The following LPP variants were observed in gnomAD, a reference collection of about 807,000 sequenced individuals.
LPP encodes the protein LIM domain containing preferred translocation partner in lipoma, also known as lipoma-preferred partner.
In LPP, 38 loss-of-function variants were observed where a neutral mutation model predicts 60.4. The observed-to-expected ratio is 0.63, with a 90% CI of 0.49 to 0.83. LPP has a LOEUF of 0.83. LPP is among the 40% of genes least tolerant of loss of function. The pLI is 0.00. For synonymous variants in LPP, 328 were observed against 290.8 expected (o/e 1.13, Z -1.30); for missense variants, 902 against 783.6 (o/e 1.15, Z -1.80).
chr3:188,730,413 A>T (rs1720012621), intron 8 of LPP, among the ~76,000 whole-genome samples: 1 of 152,184 alleles, frequency 6.6e-6, no homozygotes, highest in South Asian at 2.1e-4. Context: ...TGTACCACGT[A>T]TTTACAGTGT....
At chr3:188,805,144 A>C (rs1335148917) in intron 9 of LPP, among the ~76,000 whole-genome samples, 1 of 151,940 alleles carries the variant, frequency 6.6e-6, no homozygotes, top group Admixed American at 6.6e-5. Flanking sequence ...AGGTATACTA[A>C]ACTGTGGTTT....
chr3:188,582,163 T>C lies in LPP; in HGVS notation c.430-26998T>C, dbSNP rs1248639745. On this transcript the variant is annotated intron_variant, in intron 6 of 11. Coordinates refer to ENST00000617246, the MANE Select transcript of LPP (RefSeq NM_001375462.1). ...TTACCTTTTTCTTTTTCTTTTTTTTTTTTTTTTTTTTTTTTGAGACAGACT... is the reference window on the plus strand; with the variant it reads ...TTACCTTTTTCTTTTTCTTTTTTTTCTTTTTTTTTTTTTTTGAGACAGACT... Among the ~76,000 whole-genome samples the C allele has an allele frequency of 1.4e-3, 131 of 93,768 alleles. 1 individual carries two copies. Among genetic ancestry groups the C allele is most frequent in the East Asian group, 0.012 (22 of 1,766 alleles). 61.5% of individuals were successfully genotyped at this position (93,768 alleles called of 152,430 possible).
At chr3:188,318,948 C>T (rs113796964) in intron 2 of LPP, among the ~76,000 whole-genome samples, 7,297 of 150,792 alleles carry the variant, frequency 0.048, 460 homozygotes, top group East Asian at 0.27. Context: ...TTAGTAGAGA[C>T]GGGGTTTCAC....
chr3:188,437,584 A>G (rs1479942373), intron 4 of LPP, among the ~76,000 whole-genome samples: 1 of 152,188 alleles, frequency 6.6e-6, no homozygotes, highest in East Asian at 1.9e-4. Context: ...ATATATGTTT[A>G]TAGTTTTCAT....
intron 2 of LPP, among the ~76,000 whole-genome samples, chr3:188,335,158 T>G (rs1761302227): frequency 6.6e-6 from 1 of 152,224 alleles, no homozygotes; most frequent in South Asian, 2.1e-4. Context: ...AGTATGTTGA[T>G]GACTGTGGGT....
In LPP at chr3:188,884,159, A is replaced by C. The variant is rs1224068260; in HGVS notation, c.*9680A>C. ...ACACAGAAAATAGCGCAGGGAGGAC[A>C]GTTATTAGTACCCCTATTCTAGAAG... is the stretch of plus-strand genomic sequence containing the variant. On this transcript the variant is annotated 3_prime_UTR_variant, in exon 12 of 12. Coordinates refer to ENST00000617246, the MANE Select transcript of LPP (RefSeq NM_001375462.1). 1.8e-5 allele frequency: 4 copies of C among 226,440 alleles called. No homozygotes were observed. Among genetic ancestry groups the C allele is most frequent in the Admixed American group, 5.7e-5 (1 of 17,538 alleles). The allele number at this position is 226,440 out of a possible 1,614,324, so 14.0% of individuals were successfully genotyped here.
chr3:188,305,875 CTGT>C (rs1383659225), intron 2 of LPP, among the ~76,000 whole-genome samples: 1 of 151,982 alleles, frequency 6.6e-6, no homozygotes, highest in African/African-American at 2.4e-5. Flanking sequence ...TCTCGTTTAC[CTGT>C]TGTTGTCTTC....
chr3:188,500,960 A>G (rs755907918), intron 5 of LPP, among the ~76,000 whole-genome samples: 4 of 151,852 alleles, frequency 2.6e-5, no homozygotes, highest in Admixed American at 1.3e-4. Context: ...TCATCTAGCT[A>G]AAGGTTTGTC....
intron 4 of LPP, among the ~76,000 whole-genome samples, chr3:188,428,324 T>C (rs1208415955): frequency 1.3e-5 from 2 of 152,178 alleles, no homozygotes; most frequent in East Asian, 1.9e-4. Context: ...TGAGTTGATC[T>C]CTCTGGGAGC....
intron 7 of LPP, among the ~76,000 whole-genome samples, chr3:188,640,218 G>T (rs1197572133): frequency 6.6e-6 from 1 of 151,306 alleles, no homozygotes; most frequent in Non-Finnish European, 1.5e-5. Flanking sequence ...GTCCTTTGTA[G>T]GGACATGGAT....
chr3:188,267,799 C>T (rs1736104356), intron 2 of LPP, among the ~76,000 whole-genome samples: 1 of 152,140 alleles, frequency 6.6e-6, no homozygotes, highest in African/African-American at 2.4e-5. Context: ...AGCATGCTCA[C>T]TTTAGATGAT....
At chr3:188,501,837 A>T (rs1812002516) in intron 5 of LPP, among the ~76,000 whole-genome samples, 1 of 152,010 alleles carries the variant, frequency 6.6e-6, no homozygotes, top group Admixed American at 6.6e-5. Flanking sequence ...GAATCGCTTG[A>T]ACCCAGGAAG....
chr3:188,536,922 C>G (rs890137740), intron 6 of LPP, among the ~76,000 whole-genome samples: 5 of 152,146 alleles, frequency 3.3e-5, no homozygotes, highest in African/African-American at 9.7e-5. Context: ...TCTTACCATT[C>G]AGGAATCTTC....
At chr3:188,776,061 T>C (rs987843201) in intron 9 of LPP, among the ~76,000 whole-genome samples, 5 of 152,274 alleles carry the variant, frequency 3.3e-5, no homozygotes, top group Non-Finnish European at 5.9e-5. Context: ...CTATGCGGAA[T>C]ACAGCGCAGT....
rs554378397 is a variant in LPP, at chr3:188,540,546, C to T, written c.429+15759C>T. Among the ~76,000 whole-genome samples, 4 of 152,226 alleles carry T rather than the reference C, an allele frequency of 2.6e-5. No individual in the cohort carries two copies. In the South Asian group the frequency reaches 8.3e-4, roughly 32 times the overall value. Reference sequence around the variant, plus strand: ...ATTAAAATCATGGATTTTGGGAGCACACTCCCCTGACTCTAAATATGTGGC... The same window carrying T: ...ATTAAAATCATGGATTTTGGGAGCATACTCCCCTGACTCTAAATATGTGGC... On this transcript the variant is annotated intron_variant, in intron 6 of 11. Coordinates refer to ENST00000617246, the MANE Select transcript of LPP (RefSeq NM_001375462.1).
intron 7 of LPP, among the ~76,000 whole-genome samples, chr3:188,614,535 G>A (rs958441905): frequency 6.6e-6 from 1 of 152,128 alleles, no homozygotes; most frequent in African/African-American, 2.4e-5. Context: ...AGCACTTTGT[G>A]GAGCTCACAA....
chr3:188,846,240 A>G (rs1312092469), intron 9 of LPP, among the ~76,000 whole-genome samples: 1 of 152,232 alleles, frequency 6.6e-6, no homozygotes. Flanking sequence ...GGGTGAAGAA[A>G]GAAGGATTAA....
chr3:188,853,454 A>T (rs1264726262), intron 9 of LPP, among the ~76,000 whole-genome samples: 1 of 152,232 alleles, frequency 6.6e-6, no homozygotes, highest in African/African-American at 2.4e-5. Flanking sequence ...GATGTATGTA[A>T]CTTGTTAAGG....
intron 7 of LPP, among the ~76,000 whole-genome samples, chr3:188,612,364 T>C (rs764561893): frequency 6.6e-6 from 1 of 152,188 alleles, no homozygotes. Flanking sequence ...AAAACACTAC[T>C]GTATTCTACT....
Sources: allele counts gnomAD v4.1 joint callset (sites outside exome capture counted in the v4.1 genomes callset), GRCh38; gene constraint gnomAD v4.1.1; transcripts MANE v1.5; gene names NCBI Gene and HGNC (gene_info 2026-07-23, HGNC 2026-07-21).